Variants in ERBB2 observed in about 807,000 individuals in gnomAD.
ERBB2 encodes receptor tyrosine-protein kinase erbB-2.
ERBB2 carries 61 observed loss-of-function variants against 149.0 expected under a neutral mutation model. That is an observed-to-expected ratio of 0.41 (90% CI 0.33 to 0.51). The LOEUF is 0.51. Ranked by LOEUF, ERBB2 falls within the 20% of genes least tolerant of loss-of-function variation. ERBB2 has a pLI of 0.25. For synonymous variants in ERBB2, 633 were observed against 678.8 expected, an observed-to-expected ratio of 0.93 and a Z score of 1.05; for missense variants, 1,205 against 1,655.1, an observed-to-expected ratio of 0.73 and a Z score of 4.72.
At chr17:39,702,498 A>G (rs891142113) in intron 1 of ERBB2, among the ~76,000 whole-genome samples, 1 of 152,200 alleles carries the variant, frequency 6.6e-6, no homozygotes, top group Non-Finnish European at 1.5e-5. Flanking sequence ...ACTCCTTCAT[A>G]TTTTAATTCC....
upstream of ERBB2, among the ~76,000 whole-genome samples, chr17:39,691,957 A>ATATATATC (rs964668266): frequency 2.8e-5 from 4 of 145,384 alleles, no homozygotes; most frequent in East Asian, 2.0e-4. Context: ...ATATATATAT[A>ATATATATC]TCTCTTGTGT....
chr17:39,697,417 G>A (rs1396904998), upstream of ERBB2, among the ~76,000 whole-genome samples: 6 of 147,906 alleles, frequency 4.1e-5, no homozygotes, highest in African/African-American at 1.3e-4. Flanking sequence ...GTACAATGGC[G>A]CGATCTTGGC....
Position 39,723,590 on chromosome 17 carries a change from G to C in ERBB2, c.2138G>C (p.Arg713Pro), listed in dbSNP as rs779034594. Residue 713 changes from arginine to proline, a missense_variant, in exon 18 of 27, where the codon CGG becomes CCG. Transcript: ENST00000269571. This position sits in a 1 kb window ranked among gnomAD's most constrained non-coding sequence, Gnocchi z 6.2. ...SGAMPNQAQM[R>P]ILKETELRKV... ...GCGATGCCCAACCAGGCGCAGATGC[G>C]GATCCTGAAAGAGACGGAGCTGAGG... The C allele has an allele frequency of 6.2e-7, 1 of 1,609,128 alleles. No individual in the cohort carries two copies. The highest frequency in any genetic ancestry group is 8.5e-7 in the Non-Finnish European group (1 of 1,177,714).
intron 16 of ERBB2, 197 bp downstream of exon 16, chr17:39,720,031 G>A (rs1044642839): frequency 7.8e-5 from 46 of 591,620 alleles, no homozygotes; most frequent in Admixed American, 2.1e-4. Flanking sequence ...GGGACTGCAA[G>A]GAAAGATGGC....
chr17:39,694,273 G>GTGTA (rs1248614192), upstream of ERBB2, among the ~76,000 whole-genome samples: 2 of 25,500 alleles, frequency 7.8e-5, no homozygotes, highest in Non-Finnish European at 1.7e-4. Flanking sequence ...ATATATGTGT[G>GTGTA]TATATATATA....
intron 1 of ERBB2, among the ~76,000 whole-genome samples, chr17:39,701,704 C>G (rs2058120385): frequency 6.6e-6 from 1 of 152,196 alleles, no homozygotes; most frequent in African/African-American, 2.4e-5. Context: ...ACAGCAGTCT[C>G]TCTGCTGACT....
At chr17:39,716,142 C>A (rs774435956) in intron 12 of ERBB2, 159 bp from the exon 13 acceptor site, 9 of 996,782 alleles carry the variant, frequency 9.0e-6, no homozygotes, top group Admixed American at 2.8e-5. Context: ...CTTCCCTCCC[C>A]CTCTGTTTCT....
upstream of ERBB2, among the ~76,000 whole-genome samples, chr17:39,691,574 T>TATATACACACACAC (rs1244087250): frequency 8.2e-6 from 1 of 122,064 alleles, no homozygotes; most frequent in African/African-American, 4.0e-5. Context: ...TATATATATA[T>TATATACACACACAC]ACACACACAC....
intron 1 of ERBB2, chr17:39,706,695 A>G (rs1412498175): frequency 6.7e-6 from 2 of 297,894 alleles, no homozygotes; most frequent in Non-Finnish European, 6.2e-6. Context: ...TTGCCAGCCA[A>G]CACCCTGTAC....
upstream of ERBB2, among the ~76,000 whole-genome samples, chr17:39,694,193 GAAAAAAAAAAAAAAAAAAA>G (rs869070213): frequency 3.2e-4 from 5 of 15,604 alleles, no homozygotes; most frequent in African/African-American, 9.9e-4. Flanking sequence ...CTCTGTCTCA[GAAAAAAAAAAAAAAAAAAA>G]AAAAAAAAAA....
In ERBB2 at chr17:39,727,807, G is replaced by T. The variant is rs4252656; in HGVS notation, c.3531G>T (p.Lys1177Asn). 2 of 1,613,440 alleles carry T rather than the reference G, an allele frequency of 1.2e-6. No homozygotes were observed. Among genetic ancestry groups the T allele is most frequent in the Non-Finnish European group, 1.7e-6 (2 of 1,179,534 alleles). Residue 1177 changes from lysine to asparagine, a missense_variant, in exon 27 of 27, where the codon AAG becomes AAT. Lys to Asn is a moderately conservative substitution (Grantham distance 94). Around this residue, in one of 6 missense-constraint regions of ERBB2, gnomAD observed 312 missense variants for 343.8 expected, o/e 0.91. Transcript: ENST00000269571. The surrounding 1 kb of genome is among the most constrained non-coding windows in gnomAD (Gnocchi z 4.3). ...GGCCCAAGACTCTCTCCCCAGGGAA[G>T]AATGGGGTCGTCAAAGACGTTTTTG... ...LERPKTLSPGKNGVVKDVFAF... is the reference protein window; with the variant it reads ...LERPKTLSPGNNGVVKDVFAF...
intron 1 of ERBB2, among the ~76,000 whole-genome samples, chr17:39,705,075 A>G (rs996502976): frequency 2.6e-5 from 4 of 151,870 alleles, no homozygotes; most frequent in African/African-American, 4.8e-5. Flanking sequence ...TGCCAGCCTC[A>G]GTTGTCTTCT....
chr17:39,691,934 C>CATATACATATATATATATATATATAT (rs564472045), upstream of ERBB2, among the ~76,000 whole-genome samples: 3 of 120,880 alleles, frequency 2.5e-5, no homozygotes, highest in African/African-American at 1.1e-4. Context: ...TATACATATA[C>CATATACATATATATATATATATATAT]ATATATATAT....
At chr17:39,701,900 T>C (rs2058132902) in intron 1 of ERBB2, among the ~76,000 whole-genome samples, 1 of 152,148 alleles carries the variant, frequency 6.6e-6, no homozygotes, top group Admixed American at 6.5e-5. Flanking sequence ...ACCTCTCATC[T>C]TCTGATGAGA....
At chr17:39,701,371 G>A (rs1343835986) in intron 1 of ERBB2, among the ~76,000 whole-genome samples, 1 of 152,070 alleles carries the variant, frequency 6.6e-6, no homozygotes, top group East Asian at 1.9e-4. Context: ...TAAGTGGTGG[G>A]GTCAAGATGG....
At chr17:39,700,386 C>A in intron 1 of ERBB2, 75 bp downstream of exon 1, 1 of 1,185,858 alleles carries the variant, frequency 8.4e-7, no homozygotes, top group South Asian at 3.1e-5. Flanking sequence ...GGTCCCGCGG[C>A]CGGCGGGGCC....
chr17:39,706,499 G>A (rs1490174203), intron 1 of ERBB2, among the ~76,000 whole-genome samples: 1 of 152,204 alleles, frequency 6.6e-6, no homozygotes, highest in African/African-American at 2.4e-5. Context: ...TTACGGGGGT[G>A]TGGATCCCTT....
chr17:39,716,690 A>T (rs1192258041), intron 14 of ERBB2, 85 bp downstream of exon 14: 1 of 1,187,228 alleles, frequency 8.4e-7, no homozygotes, highest in African/African-American at 1.5e-5. Flanking sequence ...GAGATGCAGT[A>T]GGGTGTGCTA....
intron 1 of ERBB2, among the ~76,000 whole-genome samples, chr17:39,706,360 A>G (rs551897262): frequency 3.6e-4 from 55 of 152,278 alleles, no homozygotes; most frequent in African/African-American, 1.3e-3. Context: ...GATGCCCACA[A>G]CTGGAATCTG....
Sources: gnomAD v4.1 joint callset for allele counts (sites outside exome capture counted in the v4.1 genomes callset) on GRCh38, gnomAD v4.1.1 for gene constraint, gnomAD v4.1.1 regional missense constraint, Gnocchi (gnomAD v3.1) non-coding constraint, MANE v1.5 for transcripts, NCBI Gene and HGNC (gene_info 2026-07-23, HGNC 2026-07-21) for gene names.